The following KLHDC4 variants were observed in gnomAD, a reference collection of about 807,000 sequenced individuals.
KLHDC4 encodes kelch domain containing 4.
In KLHDC4, 90 loss-of-function variants were observed where a neutral mutation model predicts 62.4. The ratio of observed to expected loss-of-function variants is 1.44; its 90% CI spans 1.22 to 1.72. The LOEUF is 1.72. KLHDC4 is among the 40% of genes most tolerant of loss of function. The probability of loss-of-function intolerance (pLI) is 0.00; values close to 1 mark genes in which losing one functional copy is unlikely to be tolerated. For missense variants in KLHDC4, 1,025 were observed against 699.7 expected (o/e 1.47, Z -5.25); for synonymous variants, 386 against 284.4 (o/e 1.36, Z -3.59).
At chr16:87,699,382 A>G (rs1421050843) in exon 1 of KLHDC4, 1 of 152,288 alleles carries the variant, frequency 6.6e-6, no homozygotes, top group African/African-American at 2.4e-5. Flanking sequence ...CTAACTGACA[A>G]GACAGTGGTG....
chr16:87,708,470 C>T lies in KLHDC4; in HGVS notation c.1448-4G>A. On this transcript the variant is annotated splice_polypyrimidine_tract_variant and splice_region_variant and intron_variant, in intron 10 of 11. Transcript: ENST00000270583. ...TCCTCCAGCCACTCCTGAGTTTCTTCAAAAGCAGAATGAACGCACATACAC... is the reference window on the plus strand; with the variant it reads ...TCCTCCAGCCACTCCTGAGTTTCTTTAAAAGCAGAATGAACGCACATACAC... The T allele has an allele frequency of 6.3e-7, 1 of 1,596,890 alleles. No individual in the cohort carries two copies. The highest frequency in any genetic ancestry group is 8.5e-7 in the Non-Finnish European group (1 of 1,170,302).
intron 5 of KLHDC4, among the ~76,000 whole-genome samples, chr16:87,743,749 AAAAAT>A (rs1166706839): frequency 2.0e-5 from 3 of 151,790 alleles, no homozygotes; most frequent in Non-Finnish European, 2.9e-5. Context: ...CAAAAAAAAT[AAAAAT>A]AAAAGTAAAT....
chr16:87,725,883 G>C (rs969181459), intron 7 of KLHDC4, among the ~76,000 whole-genome samples: 4 of 152,158 alleles, frequency 2.6e-5, no homozygotes, highest in Admixed American at 6.5e-5. Context: ...CCCGTTAACA[G>C]GAGCGAGGAG....
Position 87,765,692 on chromosome 16 carries a change from C to T in KLHDC4, c.99+100G>A. ...CTCCAGCTCTCCCGCAGGGCCGGCG[C>T]GGCTCCCACGGCCGACCCGTAACCC... On this transcript the variant is annotated intron_variant, in intron 1 of 11. Transcript: ENST00000270583. 6 of 1,163,888 alleles carry T rather than the reference C, an allele frequency of 5.2e-6. No individual in the cohort carries two copies. The East Asian group carries it at 8.0e-5, about 15-fold the overall frequency. 72.1% of individuals were successfully genotyped at this position (1,163,888 alleles called of 1,614,324 possible).
chr16:87,765,759 G>A, intron 1 of KLHDC4, 33 bp downstream of exon 1: 9 of 1,545,950 alleles, frequency 5.8e-6, no homozygotes, highest in Non-Finnish European at 7.9e-6. Context: ...CGGCCGCGAC[G>A]TCGGGCCGCT....
chr16:87,712,064 T>C (rs1348103500), intron 8 of KLHDC4, among the ~76,000 whole-genome samples: 1 of 143,850 alleles, frequency 7.0e-6, no homozygotes, highest in Non-Finnish European at 1.5e-5. Flanking sequence ...GGGGCTGCAG[T>C]GTGGCCAGCG....
intron 6 of KLHDC4, 28 bp downstream of exon 6, chr16:87,730,524 G>C: frequency 1.3e-6 from 2 of 1,574,054 alleles, no homozygotes; most frequent in South Asian, 1.2e-5. Context: ...CTTCAGGAGA[G>C]AAAGATTTTT....
intron 6 of KLHDC4, among the ~76,000 whole-genome samples, chr16:87,729,788 A>C (rs2040014665): frequency 6.6e-6 from 1 of 152,098 alleles, no homozygotes; most frequent in African/African-American, 2.4e-5. Context: ...GTGGCTCTCA[A>C]AGTGAAGTCC....
intron 7 of KLHDC4, among the ~76,000 whole-genome samples, 199 bp from the exon 8 acceptor site, chr16:87,714,772 T>C (rs1012813003): frequency 2.0e-5 from 3 of 152,228 alleles, no homozygotes; most frequent in Non-Finnish European, 4.4e-5. Context: ...TGGGTCCATC[T>C]GAAGAGGCCA....
At chr16:87,747,618 A>C (rs2043230495) in intron 5 of KLHDC4, 1 of 152,324 alleles carries the variant, frequency 6.6e-6, no homozygotes, top group Non-Finnish European at 1.5e-5. Context: ...GTCCTCCTCC[A>C]GCAGGTGGGC....
chr16:87,722,317 G>C (rs1387394665), intron 7 of KLHDC4, among the ~76,000 whole-genome samples: 1 of 152,188 alleles, frequency 6.6e-6, no homozygotes, highest in African/African-American at 2.4e-5. Context: ...CTACTCAGAT[G>C]CATCTCCTGA....
At chr16:87,714,335 G>GGGGGCCCC in intron 8 of KLHDC4, 163 bp downstream of exon 8, 1 of 150,338 alleles carries the variant, frequency 6.7e-6, no homozygotes, top group Non-Finnish European at 1.5e-5. Flanking sequence ...TATGGAGCCT[G>GGGGGCCCC]TCCCACCCGG....
chr16:87,748,286 C>T (rs1243319631), intron 5 of KLHDC4, among the ~76,000 whole-genome samples: 1 of 152,242 alleles, frequency 6.6e-6, no homozygotes, highest in African/African-American at 2.4e-5. Flanking sequence ...CAACTCGACA[C>T]AGAAAGAACG....
At chr16:87,714,474 G>A (rs758451484) in intron 8 of KLHDC4, 24 bp downstream of exon 8, 15 of 1,611,628 alleles carry the variant, frequency 9.3e-6, no homozygotes, top group Non-Finnish European at 1.2e-5. Flanking sequence ...GCCAGCTCCC[G>A]CCCTGGAGGC....
At chr16:87,755,071 C>T (rs552782316) in intron 4 of KLHDC4, 123 bp downstream of exon 4, 11 of 621,290 alleles carry the variant, frequency 1.8e-5, no homozygotes, top group Admixed American at 5.8e-5. Context: ...AACAGCAGAA[C>T]CAGGCGATCT....
intron 6 of KLHDC4, 105 bp downstream of exon 6, chr16:87,730,447 G>T: frequency 2.1e-6 from 2 of 949,344 alleles, no homozygotes; most frequent in Non-Finnish European, 3.2e-6. Context: ...AGCTGGATTT[G>T]GGAGGATGGG....
exon 1 of KLHDC4, chr16:87,702,247 G>T (rs780332634): frequency 2.2e-6 from 1 of 456,352 alleles, no homozygotes; most frequent in South Asian, 1.5e-5. Context: ...CAGTGGCTCT[G>T]CCAGGCGCCG....
At chr16:87,725,582 C>G (rs1460237114) in intron 7 of KLHDC4, among the ~76,000 whole-genome samples, 1 of 152,154 alleles carries the variant, frequency 6.6e-6, no homozygotes, top group African/African-American at 2.4e-5. Flanking sequence ...ATTTTTTAAA[C>G]CCCTACAGTG....
chr16:87,733,445 T>G (rs2040752316), intron 5 of KLHDC4, among the ~76,000 whole-genome samples: 1 of 152,198 alleles, frequency 6.6e-6, no homozygotes, highest in African/African-American at 2.4e-5. Context: ...GGCTTTGGGC[T>G]GCAACATCAG....
Sources: allele counts gnomAD v4.1 joint callset (sites outside exome capture counted in the v4.1 genomes callset), GRCh38; gene constraint gnomAD v4.1.1; transcripts MANE v1.5; gene names NCBI Gene and HGNC (gene_info 2026-07-23, HGNC 2026-07-21).